TRDN: variants seen among roughly 807,000 people sequenced by gnomAD.
The protein encoded by TRDN is triadin in skeletal muscle.
Under a neutral mutation model 149.7 loss-of-function variants are expected in TRDN, and 161 were observed. The ratio of observed to expected loss-of-function variants is 1.08; its 90% CI spans 0.95 to 1.23. TRDN has a LOEUF of 1.23. Ranked by LOEUF, TRDN falls within the 50% of genes most tolerant of loss-of-function variation. The pLI, the probability that TRDN is intolerant of heterozygous loss-of-function variation, is 0.00. For synonymous variants in TRDN, 294 were observed against 250.5 expected (o/e 1.17, Z -1.64); for missense variants, 896 against 823.5 (o/e 1.09, Z -1.08).
chr6:123,476,774 A>T (rs1370877546), intron 9 of TRDN, among the ~76,000 whole-genome samples: 2 of 150,422 alleles, frequency 1.3e-5, no homozygotes, highest in Non-Finnish European at 3.0e-5. Flanking sequence ...TAACTATCTG[A>T]TCTTTGACAA....
chr6:123,420,986 G>A (rs1240466019), intron 12 of TRDN, among the ~76,000 whole-genome samples: 1 of 152,108 alleles, frequency 6.6e-6, no homozygotes, highest in Admixed American at 6.6e-5. Context: ...ATGACAGAAC[G>A]GTATCTATTT....
At chr6:123,574,848 T>TTATATATATA (rs1270587188) in intron 1 of TRDN, among the ~76,000 whole-genome samples, 3 of 102,538 alleles carry the variant, frequency 2.9e-5, no homozygotes, top group Non-Finnish European at 4.0e-5. Flanking sequence ...GAACATGAAT[T>TTATATATATA]TATATATACA....
At chr6:123,448,322 G>A (rs1471363928) in intron 10 of TRDN, among the ~76,000 whole-genome samples, 3 of 152,180 alleles carry the variant, frequency 2.0e-5, no homozygotes, top group African/African-American at 7.2e-5. Context: ...GCAGCTGGAA[G>A]GTGGGTAGCC....
chr6:123,599,090 A>G (rs1784163942), intron 1 of TRDN, among the ~76,000 whole-genome samples: 1 of 152,120 alleles, frequency 6.6e-6, no homozygotes, highest in African/African-American at 2.4e-5. Context: ...TGTCAGGCAC[A>G]ATAGCTGTTA....
At chr6:123,531,687 C>G (rs1230921871) in intron 4 of TRDN, among the ~76,000 whole-genome samples, 1 of 151,980 alleles carries the variant, frequency 6.6e-6, no homozygotes, top group Non-Finnish European at 1.5e-5. Context: ...CATTCTTGTC[C>G]CTGAAAACAA....
chr6:123,387,399 A>G (rs1425672964), intron 14 of TRDN, among the ~76,000 whole-genome samples: 1 of 152,184 alleles, frequency 6.6e-6, no homozygotes, highest in Non-Finnish European at 1.5e-5. Context: ...ACACTTCCCA[A>G]TACAAAAATA....
At chr6:123,496,539 A>C (rs1011586636) in intron 9 of TRDN, among the ~76,000 whole-genome samples, 1 of 152,116 alleles carries the variant, frequency 6.6e-6, no homozygotes, top group Non-Finnish European at 1.5e-5. Context: ...AATCTGCAAA[A>C]GGCATAGTAC....
intron 24 of TRDN, among the ~76,000 whole-genome samples, chr6:123,289,988 C>A (rs1777945106): frequency 6.6e-6 from 1 of 152,158 alleles, no homozygotes; most frequent in South Asian, 2.1e-4. Flanking sequence ...TGCAAGCTGT[C>A]TTGCTCAGGT....
intron 22 of TRDN, among the ~76,000 whole-genome samples, chr6:123,334,740 T>C (rs1779799526): frequency 6.6e-6 from 1 of 152,008 alleles, no homozygotes; most frequent in African/African-American, 2.4e-5. Context: ...CCTAGAACTC[T>C]ATATGTCCTT....
intron 2 of TRDN, among the ~76,000 whole-genome samples, chr6:123,554,634 G>T (rs1448190909): frequency 6.6e-6 from 1 of 152,080 alleles, no homozygotes; most frequent in Non-Finnish European, 1.5e-5. Context: ...TGTCTTGAAG[G>T]TAAACAAATT....
intron 39 of TRDN, among the ~76,000 whole-genome samples, chr6:123,222,379 C>G (rs1014884455): frequency 4.2e-4 from 63 of 151,646 alleles, no homozygotes; most frequent in Non-Finnish European, 7.4e-4. Context: ...GGTTCTAACT[C>G]AGATATTTAA....
chr6:123,492,405 T>C (rs1455274084), intron 9 of TRDN, among the ~76,000 whole-genome samples: 1 of 152,176 alleles, frequency 6.6e-6, no homozygotes, highest in Non-Finnish European at 1.5e-5. Flanking sequence ...TTGGTTTCTT[T>C]ATCTTTAGTG....
intron 24 of TRDN, among the ~76,000 whole-genome samples, chr6:123,300,837 G>A (rs1173052928): frequency 6.6e-6 from 1 of 151,880 alleles, no homozygotes; most frequent in East Asian, 1.9e-4. Flanking sequence ...TTTAGTTTGT[G>A]TCCAGAACCA....
At chr6:123,429,640 T>C (rs1483613929) in intron 12 of TRDN, among the ~76,000 whole-genome samples, 3 of 152,204 alleles carry the variant, frequency 2.0e-5, no homozygotes, top group East Asian at 3.8e-4. Context: ...TCTCTCCATA[T>C]TTTTAAATTG....
chr6:123,320,194 G>A (rs1779190764), intron 23 of TRDN, among the ~76,000 whole-genome samples: 1 of 147,050 alleles, frequency 6.8e-6, no homozygotes, highest in African/African-American at 2.4e-5. Context: ...CTCACATGTG[G>A]AATAAAATAA....
intron 10 of TRDN, among the ~76,000 whole-genome samples, chr6:123,454,586 G>C (rs967450637): frequency 6.6e-6 from 1 of 152,166 alleles, no homozygotes; most frequent in Non-Finnish European, 1.5e-5. Context: ...TATGAGTCAG[G>C]GTCCCCAACC....
chr6:123,484,591 A>G (rs1362325397), intron 9 of TRDN, among the ~76,000 whole-genome samples: 1 of 152,150 alleles, frequency 6.6e-6, no homozygotes, highest in Non-Finnish European at 1.5e-5. Context: ...ATATTAGAAC[A>G]TGCTTTTAAT....
At position 123,260,685 on chromosome 6, in the gene TRDN, TAAAAAG is replaced by T. The variant is rs767661594; in HGVS notation, c.1805-53_1805-48del. ...GAATGTAGAAAGAAAGGAAAAAAAA[TAAAAAG>T]AAAAAGTATAGTTTTTTATTCAGTA... On this transcript the variant is annotated intron_variant, in intron 33 of 40. Coordinates refer to ENST00000334268, the MANE Select transcript of TRDN (RefSeq NM_006073.4). 91 of 1,327,016 alleles carry T rather than the reference TAAAAAG, an allele frequency of 6.9e-5. 1 individual carries two copies. The highest frequency in any genetic ancestry group is 5.9e-4 in the East Asian group (21 of 35,690). 82.2% of individuals were successfully genotyped at this position (1,327,016 alleles called of 1,614,324 possible). A position where few individuals can be genotyped will look rare whatever the true frequency, so the allele number is the denominator to read the frequency against.
At chr6:123,274,825 A>G (rs1033485993) in intron 26 of TRDN, among the ~76,000 whole-genome samples, 155 bp from the exon 27 acceptor site, 1 of 152,082 alleles carries the variant, frequency 6.6e-6, no homozygotes, top group East Asian at 1.9e-4. Flanking sequence ...GTGAGCTGAG[A>G]TCATGCCACT....
Sources: allele counts gnomAD v4.1 joint callset (sites outside exome capture counted in the v4.1 genomes callset), GRCh38; gene constraint gnomAD v4.1.1; transcripts MANE v1.5; gene names NCBI Gene and HGNC (gene_info 2026-07-23, HGNC 2026-07-21).